Variants in PCSK2 observed in about 807,000 individuals in gnomAD.
PCSK2 encodes the protein neuroendocrine convertase 2.
PCSK2 carries 14 observed loss-of-function variants against 69.7 expected under a neutral mutation model. The ratio of observed to expected loss-of-function variants is 0.20; its 90% CI spans 0.13 to 0.31. PCSK2 has a LOEUF of 0.31. Among genes scored for constraint, PCSK2 ranks in the 10% least tolerant of loss-of-function variants. PCSK2 has a pLI of 1.00. For synonymous variants in PCSK2, 307 were observed against 320.7 expected (o/e 0.96, Z 0.46); for missense variants, 544 against 842.5 (o/e 0.65, Z 4.39).
intron 1 of PCSK2, among the ~76,000 whole-genome samples, chr20:17,234,672 C>T (rs912355815): frequency 5.9e-5 from 9 of 152,060 alleles, no homozygotes; most frequent in Admixed American, 3.3e-4. Context: ...ACCTTTTTTT[C>T]TCAATTGAAT....
intron 1 of PCSK2, among the ~76,000 whole-genome samples, chr20:17,258,687 A>G (rs1987268235): frequency 6.6e-6 from 1 of 152,062 alleles, no homozygotes; most frequent in Non-Finnish European, 1.5e-5. Flanking sequence ...TAAAAATTTG[A>G]AAAAAGGAGG....
intron 2 of PCSK2, among the ~76,000 whole-genome samples, chr20:17,327,659 A>T (rs978010513): frequency 6.6e-6 from 1 of 152,262 alleles, no homozygotes; most frequent in African/African-American, 2.4e-5. Context: ...GTCACCGAGC[A>T]GCTGCTACCG....
At chr20:17,473,815 T>C (rs1283289406) in intron 11 of PCSK2, among the ~76,000 whole-genome samples, 2 of 152,220 alleles carry the variant, frequency 1.3e-5, no homozygotes, top group Admixed American at 6.5e-5. Flanking sequence ...ACAGCATGCT[T>C]TTAATTTAAT....
intron 7 of PCSK2, among the ~76,000 whole-genome samples, chr20:17,435,660 C>T (rs1242986541): frequency 6.6e-6 from 1 of 152,178 alleles, no homozygotes; most frequent in African/African-American, 2.4e-5. Context: ...CTGTGCATGG[C>T]CCAACCCCTT....
rs6044731 is a variant in PCSK2, at chr20:17,303,514, A to T, written c.282+43170A>T. On this transcript the variant is annotated intron_variant, in intron 2 of 11. Coordinates refer to ENST00000262545, the MANE Select transcript of PCSK2 (RefSeq NM_002594.5). ...ATATTTAATATAATATATATTATAT[A>T]TAATATAATATATATTATATTATAT... is the stretch of plus-strand genomic sequence containing the variant. 4.3e-3 allele frequency among the ~76,000 whole-genome samples: 162 copies of T among 37,936 alleles called. 3 individuals carry two copies. Among genetic ancestry groups the T allele is most frequent in the African/African-American group, 0.017 (149 of 8,862 alleles). 24.9% of individuals were successfully genotyped at this position (37,936 alleles called of 152,430 possible). A position where few individuals can be genotyped will look rare whatever the true frequency, so the allele number is the denominator to read the frequency against.
chr20:17,278,389 C>A (rs1319885506), intron 2 of PCSK2, among the ~76,000 whole-genome samples: 1 of 152,116 alleles, frequency 6.6e-6, no homozygotes, highest in Non-Finnish European at 1.5e-5. Context: ...ACTATGCAGC[C>A]ATAAAAAATG....
chr20:17,234,128 T>C (rs1327677151), intron 1 of PCSK2, among the ~76,000 whole-genome samples: 2 of 152,192 alleles, frequency 1.3e-5, no homozygotes, highest in Admixed American at 1.3e-4. Flanking sequence ...TTTGCTTAAG[T>C]TGCTAGAGTG....
chr20:17,300,768 A>T (rs920516286), intron 2 of PCSK2, among the ~76,000 whole-genome samples: 2 of 152,192 alleles, frequency 1.3e-5, no homozygotes, highest in Non-Finnish European at 2.9e-5. Flanking sequence ...AAAACACTGA[A>T]TTTTTCCTAA....
intron 8 of PCSK2, among the ~76,000 whole-genome samples, chr20:17,446,251 A>G (rs1425078303): frequency 6.6e-6 from 1 of 152,238 alleles, no homozygotes; most frequent in Non-Finnish European, 1.5e-5. Flanking sequence ...AGACAACCAC[A>G]GGCGCCATCA....
chr20:17,327,918 A>C (rs1990109399), intron 2 of PCSK2, among the ~76,000 whole-genome samples: 1 of 152,202 alleles, frequency 6.6e-6, no homozygotes, highest in Non-Finnish European at 1.5e-5. Context: ...CCTCAAAAAC[A>C]CCAAGTAAAT....
intron 7 of PCSK2, among the ~76,000 whole-genome samples, chr20:17,431,354 C>G (rs1301183271): frequency 1.3e-5 from 2 of 152,204 alleles, no homozygotes; most frequent in African/African-American, 4.8e-5. Flanking sequence ...CTCGCTTGAA[C>G]TGAGTGGAGC....
At chr20:17,439,733 T>C (rs1269478635) in intron 8 of PCSK2, among the ~76,000 whole-genome samples, 2 of 152,198 alleles carry the variant, frequency 1.3e-5, no homozygotes, top group Non-Finnish European at 2.9e-5. Flanking sequence ...GTCTCAGCCC[T>C]AAACAATAGT....
At chr20:17,435,067 A>G (rs2032455422) in intron 7 of PCSK2, among the ~76,000 whole-genome samples, 1 of 152,222 alleles carries the variant, frequency 6.6e-6, no homozygotes, top group Non-Finnish European at 1.5e-5. Context: ...TTCCTCCAGG[A>G]GAAAGAATGC....
chr20:17,399,603 G>A (rs536949641), intron 5 of PCSK2, among the ~76,000 whole-genome samples: 9 of 152,150 alleles, frequency 5.9e-5, no homozygotes, highest in Non-Finnish European at 1.2e-4. Context: ...AGCCATGGGG[G>A]CACTTAGCAG....
intron 8 of PCSK2, among the ~76,000 whole-genome samples, chr20:17,451,897 C>A (rs2032829306): frequency 6.8e-6 from 1 of 147,390 alleles, no homozygotes; most frequent in Non-Finnish European, 1.5e-5. Flanking sequence ...TATTGTGAAA[C>A]ACATCAGTTG....
rs750954128 is a variant in PCSK2 at position 17,407,259 on chromosome 20, G to C, written c.544-2004G>C. On this transcript the variant is annotated intron_variant, in intron 5 of 11. Transcript: ENST00000262545. Reference sequence around the variant, plus strand: ...CAGCGTGCCTCTTCCCACTCCAACAGCACACCTCAGAAGGAAGAGGCAGCC... The same window carrying C: ...CAGCGTGCCTCTTCCCACTCCAACACCACACCTCAGAAGGAAGAGGCAGCC... Among the ~76,000 whole-genome samples the C allele has an allele frequency of 1.3e-3, 195 of 152,186 alleles. 2 individuals carry two copies. Among genetic ancestry groups the C allele is most frequent in the Non-Finnish European group, 2.2e-3 (153 of 68,022 alleles).
At chr20:17,293,935 C>T (rs914762743) in intron 2 of PCSK2, among the ~76,000 whole-genome samples, 1 of 151,888 alleles carries the variant, frequency 6.6e-6, no homozygotes, top group Non-Finnish European at 1.5e-5. Flanking sequence ...GGTCCAGTCC[C>T]TTTTTGAAAG....
Position 17,481,769 on chromosome 20 carries a change from G to T in PCSK2, c.1616G>T (p.Arg539Leu), listed in dbSNP as rs1159730268. The change falls in exon 12 of 12, where the codon CGT (arginine) becomes CTT (leucine). Residue 539 changes from arginine to leucine, a missense_variant. Arg to Leu is a moderately radical substitution (Grantham distance 102, BLOSUM62 -2). Coordinates refer to ENST00000262545, the MANE Select transcript of PCSK2 (RefSeq NM_002594.5). Reference protein sequence around the residue: ...MGTKSILLSRRPRDDDSKVGF... With the variant: ...MGTKSILLSRLPRDDDSKVGF... ...ACCAAGTCCATTTTGCTGAGCCGGCGTCCAAGGGATGACGACTCCAAGGTG... is the reference window on the plus strand; with the variant it reads ...ACCAAGTCCATTTTGCTGAGCCGGCTTCCAAGGGATGACGACTCCAAGGTG... 1 of 1,614,100 alleles carries T rather than the reference G, an allele frequency of 6.2e-7. No individual in the cohort carries two copies. Among genetic ancestry groups the T allele is most frequent in the South Asian group, 1.1e-5 (1 of 91,076 alleles).
At chr20:17,481,409 A>AG (rs1346613711) in intron 11 of PCSK2, among the ~76,000 whole-genome samples, 175 bp from the exon 12 acceptor site, 2 of 122,044 alleles carry the variant, frequency 1.6e-5, no homozygotes, top group African/African-American at 3.0e-5. Flanking sequence ...AAAAAAAAAA[A>AG]AAAAAGAGAT....
Sources: allele counts gnomAD v4.1 joint callset (sites outside exome capture counted in the v4.1 genomes callset), GRCh38; gene constraint gnomAD v4.1.1; transcripts MANE v1.5; gene names NCBI Gene and HGNC (gene_info 2026-07-23, HGNC 2026-07-21).